Variants in PDE10A observed in about 807,000 individuals in gnomAD.
PDE10A encodes cAMP and cAMP-inhibited cGMP 3',5'-cyclic phosphodiesterase 10A.
A neutral mutation model predicts 97.7 loss-of-function variants in PDE10A; 39 were observed. That is an observed-to-expected ratio of 0.40 (90% CI 0.31 to 0.52). PDE10A has a LOEUF of 0.52. Ranked by LOEUF, PDE10A falls within the 20% of genes least tolerant of loss-of-function variation. The pLI, the probability that PDE10A is intolerant of heterozygous loss-of-function variation, is 0.56. For synonymous variants in PDE10A, 371 were observed against 376.8 expected (o/e 0.98, Z 0.18); for missense variants, 731 against 1,047.8 (o/e 0.70, Z 4.17).
intron 1 of PDE10A, among the ~76,000 whole-genome samples, chr6:165,815,133 GTCA>G (rs2128467980): frequency 6.6e-6 from 1 of 152,254 alleles, no homozygotes; most frequent in East Asian, 1.9e-4. Flanking sequence ...GCTCTCTTTC[GTCA>G]TCATGCACGC....
At chr6:165,535,239 A>C (rs930197048) in intron 2 of PDE10A, among the ~76,000 whole-genome samples, 1 of 151,626 alleles carries the variant, frequency 6.6e-6, no homozygotes, top group Admixed American at 6.6e-5. Context: ...AAATATATAT[A>C]TATATATATG....
chr6:165,645,651 C>T (rs1472740384), intron 1 of PDE10A, among the ~76,000 whole-genome samples: 1 of 151,868 alleles, frequency 6.6e-6, no homozygotes, highest in Admixed American at 6.6e-5. Flanking sequence ...GTGAGGAGTT[C>T]GAGACCAGCC....
At chr6:165,627,387 A>G (rs1171910102) in intron 1 of PDE10A, among the ~76,000 whole-genome samples, 1 of 152,230 alleles carries the variant, frequency 6.6e-6, no homozygotes, top group African/African-American at 2.4e-5. Flanking sequence ...ATACTGTTCA[A>G]CAATCACCAT....
intron 10 of PDE10A, among the ~76,000 whole-genome samples, chr6:165,419,823 T>G (rs1030396335): frequency 6.6e-6 from 1 of 152,204 alleles, no homozygotes; most frequent in Admixed American, 6.5e-5. Context: ...ACAAAGTCTC[T>G]GCAAGAGGAA....
Position 165,878,679 on chromosome 6 carries a change from A to G in PDE10A, c.-615+108850T>C, listed in dbSNP as rs577654894. Among the ~76,000 whole-genome samples the G allele has an allele frequency of 7.2e-5, 11 of 152,356 alleles. No homozygotes were observed. The East Asian group carries it at 2.1e-3, about 29-fold the overall frequency. On this transcript the variant is annotated intron_variant, in intron 1 of 19. Coordinates refer to the PDE10A transcript ENST00000366882. ...TGAATATGGAGCTTCACAGCAGAAC[A>G]GGAACATTGCAGGTATGATGAGCAG...
At chr6:165,824,598 A>C (rs1779671065) in intron 1 of PDE10A, among the ~76,000 whole-genome samples, 1 of 152,224 alleles carries the variant, frequency 6.6e-6, no homozygotes, top group South Asian at 2.1e-4. Flanking sequence ...CTTGGAACAA[A>C]GAATGTGCTG....
intron 1 of PDE10A, among the ~76,000 whole-genome samples, chr6:165,609,666 A>G (rs201113414): frequency 1.2e-4 from 19 of 152,192 alleles, no homozygotes; most frequent in African/African-American, 4.6e-4. Flanking sequence ...AAAGTCTCAG[A>G]ATACAAAATC....
intron 5 of PDE10A, among the ~76,000 whole-genome samples, chr6:165,443,919 A>G (rs142344917): frequency 9.9e-4 from 151 of 151,962 alleles, no homozygotes; most frequent in Admixed American, 1.4e-3. Flanking sequence ...CATTTTCCCT[A>G]TTGTCTTGGT....
At chr6:165,962,964 G>A (rs946153306) in intron 1 of PDE10A, among the ~76,000 whole-genome samples, 10 of 152,330 alleles carry the variant, frequency 6.6e-5, no homozygotes, top group African/African-American at 1.7e-4. Context: ...GCATGCATAC[G>A]TGAGTGCACA....
chr6:165,562,227 G>A (rs1271124483), intron 1 of PDE10A, among the ~76,000 whole-genome samples: 1 of 152,148 alleles, frequency 6.6e-6, no homozygotes, highest in African/African-American at 2.4e-5. Flanking sequence ...CAGTTCAAAA[G>A]ATATAAACCA....
intron 1 of PDE10A, among the ~76,000 whole-genome samples, chr6:165,692,126 C>G (rs1000966537): frequency 6.6e-6 from 1 of 152,164 alleles, no homozygotes; most frequent in Non-Finnish European, 1.5e-5. Flanking sequence ...GGTTCCTGGG[C>G]CGGTGAGTGC....
intron 14 of PDE10A, among the ~76,000 whole-genome samples, chr6:165,395,866 C>T (rs1463505114): frequency 6.6e-6 from 1 of 152,034 alleles, no homozygotes; most frequent in Admixed American, 6.6e-5. Flanking sequence ...TTATCATAGG[C>T]CCTACCCTCT....
intron 13 of PDE10A, among the ~76,000 whole-genome samples, chr6:165,398,305 C>CCTGT (rs1025618887): frequency 1.3e-5 from 2 of 152,046 alleles, no homozygotes; most frequent in African/African-American, 4.8e-5. Flanking sequence ...ATGGCGAAAC[C>CCTGT]CTGTCTCTAC....
At chr6:165,947,207 A>G (rs890729731) in intron 1 of PDE10A, 1 of 152,172 alleles carries the variant, frequency 6.6e-6, no homozygotes, top group African/African-American at 2.4e-5. Flanking sequence ...TCTATCTCCC[A>G]TATTTCCTGT....
chr6:165,612,969 T>C (rs956297477), intron 1 of PDE10A, among the ~76,000 whole-genome samples: 4 of 152,250 alleles, frequency 2.6e-5, no homozygotes, highest in Admixed American at 2.0e-4. Context: ...ACAATGTTTA[T>C]AGATGAAAAT....
At chr6:165,379,106 T>C in intron 18 of PDE10A, 88 bp downstream of exon 18, 1 of 864,184 alleles carries the variant, frequency 1.2e-6, no homozygotes, top group Non-Finnish European at 1.8e-6. Context: ...CTTTCAAATA[T>C]AAGCTTACGC....
chr6:165,858,938 AAAC>A (rs1780824125), intron 1 of PDE10A, among the ~76,000 whole-genome samples: 1 of 152,342 alleles, frequency 6.6e-6, no homozygotes, highest in East Asian at 1.9e-4. Context: ...AGTGATGTTT[AAAC>A]ATCACTACTG....
chr6:165,675,503 T>G (rs565011932), intron 1 of PDE10A, among the ~76,000 whole-genome samples: 97 of 152,370 alleles, frequency 6.4e-4, no homozygotes, highest in South Asian at 2.7e-3. Context: ...GTGTTCTATA[T>G]TTAAAGTAAG....
chr6:165,862,190 A>G lies in PDE10A; in HGVS notation c.-615+125339T>C, dbSNP rs529221733. Among the ~76,000 whole-genome samples the G allele has an allele frequency of 7.9e-5, 12 of 152,344 alleles. No homozygotes were observed. In the East Asian group the frequency reaches 1.4e-3, roughly 17 times the overall value. On this transcript the variant is annotated intron_variant, in intron 1 of 19. Coordinates refer to the PDE10A transcript ENST00000366882. The stretch of plus-strand genomic sequence containing the variant: ...TATTAACTGAGATACATGATTTCAC[A>G]TCATAAAAATTTCCCTAAAGCATGT...
Sources: allele counts gnomAD v4.1 joint callset (sites outside exome capture counted in the v4.1 genomes callset), GRCh38; gene constraint gnomAD v4.1.1; transcripts MANE v1.5; gene names NCBI Gene and HGNC (gene_info 2026-07-23, HGNC 2026-07-21).